ANK3: variants seen among roughly 807,000 people sequenced by gnomAD.
The protein encoded by ANK3 is ankyrin-3.
Under a neutral mutation model 370.9 loss-of-function variants are expected in ANK3, and 57 were observed. The ratio of observed to expected loss-of-function variants is 0.15; its 90% CI spans 0.12 to 0.19. The LOEUF is 0.19. ANK3 is among the 10% of genes least tolerant of loss of function. The pLI, the probability that ANK3 is intolerant of heterozygous loss-of-function variation, is 1.00. For synonymous variants in ANK3, 1,929 were observed against 1,946.3 expected (o/e 0.99, Z 0.23); for missense variants, 4,439 against 5,302.1 (o/e 0.84, Z 5.06).
intron 1 of ANK3, among the ~76,000 whole-genome samples, chr10:60,373,945 A>C (rs181489271): frequency 6.6e-6 from 1 of 152,176 alleles, no homozygotes; most frequent in African/African-American, 2.4e-5. Flanking sequence ...AGATGAGTTA[A>C]TGAAGGCTGG....
chr10:60,232,498 T>C (rs145634011), intron 8 of ANK3, among the ~76,000 whole-genome samples: 1 of 152,330 alleles, frequency 6.6e-6, no homozygotes, highest in African/African-American at 2.4e-5. Context: ...GGTTCTAGCA[T>C]TCTTTACATA....
In ANK3 at chr10:60,350,095, G is replaced by C. The variant is rs1002118979; in HGVS notation, c.114+39330C>G. On this transcript the variant is annotated intron_variant, in intron 1 of 43. Coordinates refer to ENST00000280772, the MANE Select transcript of ANK3 (RefSeq NM_020987.5). ...AGTGCAAGGCACTACACGAAGGAGA[G>C]GCAAAGGCAGATAATGCTTTGTCCT... 4.5e-4 allele frequency among the ~76,000 whole-genome samples: 68 copies of C among 152,170 alleles called. 1 individual carries two copies. The highest frequency in any genetic ancestry group is 1.6e-3 in the African/African-American group (66 of 41,414).
intron 8 of ANK3, among the ~76,000 whole-genome samples, chr10:60,216,262 C>T (rs2096935374): frequency 6.6e-6 from 1 of 152,098 alleles, no homozygotes; most frequent in South Asian, 2.1e-4. Flanking sequence ...CTATTTCTTT[C>T]CCTTGACTGA....
At chr10:60,682,836 T>C (rs536501673) in intron 1 of ANK3, among the ~76,000 whole-genome samples, 1 of 152,320 alleles carries the variant, frequency 6.6e-6, no homozygotes, top group Non-Finnish European at 1.5e-5. Flanking sequence ...TCCTTTATAA[T>C]AAACCAGTAA....
At chr10:60,521,245 C>T (rs2076340185) in intron 2 of ANK3, among the ~76,000 whole-genome samples, 1 of 152,054 alleles carries the variant, frequency 6.6e-6, no homozygotes, top group African/African-American at 2.4e-5. Flanking sequence ...CAAGTTGCAA[C>T]AGTATATTAT....
chr10:60,672,117 G>A (rs532953249), intron 1 of ANK3, among the ~76,000 whole-genome samples: 6 of 152,194 alleles, frequency 3.9e-5, no homozygotes, highest in Admixed American at 3.9e-4. Context: ...ATGACATTGC[G>A]ATAAATAAAA....
intron 6 of ANK3, 76 bp downstream of exon 6, chr10:60,263,759 G>A (rs548154555): frequency 7.7e-6 from 12 of 1,551,468 alleles, no homozygotes; most frequent in South Asian, 5.7e-5. Context: ...TGCGAAGAGG[G>A]AGACCGGGTG....
At chr10:60,386,570 C>T (rs1048794464) in intron 1 of ANK3, among the ~76,000 whole-genome samples, 1 of 150,580 alleles carries the variant, frequency 6.6e-6, no homozygotes, top group African/African-American at 2.4e-5. Flanking sequence ...ATCATGTACT[C>T]ATGATTAACA....
At chr10:60,451,720 G>T (rs995813536) in intron 2 of ANK3, among the ~76,000 whole-genome samples, 4 of 152,214 alleles carry the variant, frequency 2.6e-5, no homozygotes, top group African/African-American at 9.6e-5. Context: ...TGGTAGTGCT[G>T]GGCCTCTGGG....
chr10:60,641,046 T>A (rs978811914), intron 1 of ANK3, among the ~76,000 whole-genome samples: 1 of 150,340 alleles, frequency 6.7e-6, no homozygotes, highest in Non-Finnish European at 1.5e-5. Flanking sequence ...TCAAAGAGAA[T>A]AAAATACCTA....
At chr10:60,420,315 T>C (rs979542877) in intron 2 of ANK3, among the ~76,000 whole-genome samples, 5 of 152,144 alleles carry the variant, frequency 3.3e-5, no homozygotes, top group Admixed American at 3.3e-4. Context: ...ACTAGCTCTT[T>C]ATTGGGTCAT....
intron 1 of ANK3, among the ~76,000 whole-genome samples, chr10:60,294,415 T>C (rs2042086883): frequency 6.6e-6 from 1 of 152,166 alleles, no homozygotes; most frequent in Admixed American, 6.6e-5. Context: ...CTTGAATTTA[T>C]CATCCTAAAA....
At chr10:60,089,459 TTGTGTGTGTGTGTGTGTGTG>T (rs61497871) in intron 28 of ANK3, among the ~76,000 whole-genome samples, 36,549 of 141,654 alleles carry the variant, frequency 0.26, 5,472 homozygotes, top group Non-Finnish European at 0.36. Context: ...TCCATCCAGG[TTGTGTGTGTGTGTGTGTGTG>T]TGTGTGTGTG....
chr10:60,125,282 C>G (rs1300605535), intron 25 of ANK3, among the ~76,000 whole-genome samples: 1 of 152,098 alleles, frequency 6.6e-6, no homozygotes, highest in Non-Finnish European at 1.5e-5. Context: ...TCAAGACAAT[C>G]TGGTTATGAA....
chr10:60,386,553 A>G (rs555163836), intron 1 of ANK3, among the ~76,000 whole-genome samples: 40 of 150,438 alleles, frequency 2.7e-4, no homozygotes, highest in Admixed American at 1.5e-3. Flanking sequence ...TTTTTTTTGG[A>G]CTGGTAATCA....
chr10:60,226,550 C>CTATA (rs2097160133), intron 8 of ANK3, among the ~76,000 whole-genome samples: 3 of 10,378 alleles, frequency 2.9e-4, no homozygotes, highest in Admixed American at 1.1e-3. Context: ...AGTATATATA[C>CTATA]TATAGTATAT....
chr10:60,653,464 T>G (rs1376540750), intron 1 of ANK3, among the ~76,000 whole-genome samples: 4 of 152,186 alleles, frequency 2.6e-5, no homozygotes, highest in African/African-American at 4.8e-5. Flanking sequence ...TGATAATATA[T>G]GTTAGTCTTT....
rs144005217 is a variant in ANK3, at chr10:60,689,157, C to T, written c.57+44106G>A. On this transcript the variant is annotated intron_variant, in intron 1 of 43. Transcript: ENST00000373827. ...GGTCACACCTATAATCTTAGCACTTCGGGAGGCCAAGGCAGGAGGAGTGCT... is the reference window on the plus strand; with the variant it reads ...GGTCACACCTATAATCTTAGCACTTTGGGAGGCCAAGGCAGGAGGAGTGCT... Among the ~76,000 whole-genome samples, 448 of 152,056 alleles carry T rather than the reference C, an allele frequency of 2.9e-3. 3 individuals carry two copies. The highest frequency in any genetic ancestry group is 0.01 in the African/African-American group (425 of 41,486).
chr10:60,721,965 T>C (rs1180827858), intron 1 of ANK3, among the ~76,000 whole-genome samples: 1 of 152,188 alleles, frequency 6.6e-6, no homozygotes, highest in African/African-American at 2.4e-5. Context: ...ACATTTTGAA[T>C]GATAGGCTGA....
Sources: allele counts gnomAD v4.1 joint callset (sites outside exome capture counted in the v4.1 genomes callset), GRCh38; gene constraint gnomAD v4.1.1; transcripts MANE v1.5; gene names NCBI Gene and HGNC (gene_info 2026-07-23, HGNC 2026-07-21).